Variants in LRRIQ3 observed in about 807,000 individuals in gnomAD.
The protein encoded by LRRIQ3 is leucine rich repeats and IQ motif containing 3, also known as leucine-rich repeat and IQ domain-containing protein 3.
In LRRIQ3, 75 loss-of-function variants were observed where a neutral mutation model predicts 59.3. The observed-to-expected ratio is 1.26, with a 90% CI of 1.05 to 1.53. The LOEUF (loss-of-function observed/expected upper bound fraction) is 1.53. Ranked by LOEUF, LRRIQ3 falls within the 40% of genes most tolerant of loss-of-function variation. The pLI is 0.00. For synonymous variants in LRRIQ3, 250 were observed against 231.3 expected (o/e 1.08, Z -0.73); for missense variants, 831 against 710.0 (o/e 1.17, Z -1.94).
chr1:74,052,993 A>T (rs948559559), intron 6 of LRRIQ3, among the ~76,000 whole-genome samples: 9 of 152,156 alleles, frequency 5.9e-5, no homozygotes, highest in Non-Finnish European at 1.0e-4. Flanking sequence ...AATTACAATA[A>T]TCAAAACAGT....
At chr1:74,151,563 A>G (rs1647962900) in intron 4 of LRRIQ3, among the ~76,000 whole-genome samples, 1 of 151,912 alleles carries the variant, frequency 6.6e-6, no homozygotes, top group Admixed American at 6.6e-5. Context: ...ATGGATAGAA[A>G]CAAAACAAAT....
chr1:74,145,288 C>A (rs1647499605), intron 4 of LRRIQ3, among the ~76,000 whole-genome samples: 1 of 152,082 alleles, frequency 6.6e-6, no homozygotes, highest in Admixed American at 6.6e-5. Flanking sequence ...ACAGCTGCAA[C>A]AGAATAATGG....
At chr1:74,144,295 A>G (rs1193446364) in intron 4 of LRRIQ3, 1 of 189,044 alleles carries the variant, frequency 5.3e-6, no homozygotes, top group Non-Finnish European at 1.2e-5. Context: ...ATATCCACAT[A>G]TCAAATACTC....
At chr1:74,133,264 G>A (rs900874754) in intron 4 of LRRIQ3, among the ~76,000 whole-genome samples, 1 of 152,132 alleles carries the variant, frequency 6.6e-6, no homozygotes, top group Non-Finnish European at 1.5e-5. Context: ...ACTGTTGGTG[G>A]AACTGTAAAC....
chr1:74,048,261 G>A (rs6424572), intron 6 of LRRIQ3, among the ~76,000 whole-genome samples: 2 of 152,148 alleles, frequency 1.3e-5, no homozygotes, highest in Non-Finnish European at 2.9e-5. Flanking sequence ...AGTGCTCAGA[G>A]ACATTGATCA....
intron 7 of LRRIQ3, among the ~76,000 whole-genome samples, chr1:74,031,312 C>T (rs1388914031): frequency 1.3e-5 from 2 of 152,082 alleles, no homozygotes; most frequent in Non-Finnish European, 2.9e-5. Context: ...CACATGCACA[C>T]GTTTGTTTAT....
chr1:74,048,369 A>C (rs558395301), intron 6 of LRRIQ3, among the ~76,000 whole-genome samples: 1 of 152,140 alleles, frequency 6.6e-6, no homozygotes, highest in Non-Finnish European at 1.5e-5. Flanking sequence ...TAATGTTCCT[A>C]GAATGTCCAA....
chr1:74,176,458 G>C (rs905141490), intron 3 of LRRIQ3, among the ~76,000 whole-genome samples: 1 of 151,956 alleles, frequency 6.6e-6, no homozygotes, highest in Non-Finnish European at 1.5e-5. Flanking sequence ...GGCTGATTTG[G>C]GGTTTTCTCA....
At chr1:74,046,896 T>C (rs1474331248) in intron 6 of LRRIQ3, among the ~76,000 whole-genome samples, 1 of 152,088 alleles carries the variant, frequency 6.6e-6, no homozygotes, top group Non-Finnish European at 1.5e-5. Flanking sequence ...AAAACCACAA[T>C]GAGATACCAT....
chr1:74,105,699 G>T (rs535696406), intron 5 of LRRIQ3, among the ~76,000 whole-genome samples: 17 of 151,884 alleles, frequency 1.1e-4, no homozygotes, highest in Non-Finnish European at 2.2e-4. Context: ...AATGGAAAGG[G>T]TTCACAGGGA....
chr1:74,052,867 T>C (rs1190624635), intron 6 of LRRIQ3, among the ~76,000 whole-genome samples: 1 of 152,196 alleles, frequency 6.6e-6, no homozygotes, highest in African/African-American at 2.4e-5. Context: ...ATCTTAAGTC[T>C]TCAATTAATT....
At chr1:74,097,970 A>G (rs984044344) in intron 5 of LRRIQ3, among the ~76,000 whole-genome samples, 28 of 152,188 alleles carry the variant, frequency 1.8e-4, no homozygotes, top group African/African-American at 6.3e-4. Flanking sequence ...TGTAAAGACC[A>G]TCGATGCTAG....
At chr1:74,154,240 C>CAAACAAAAAAAAAAAAA (rs1648176929) in intron 4 of LRRIQ3, among the ~76,000 whole-genome samples, 5 of 57,276 alleles carry the variant, frequency 8.7e-5, no homozygotes, top group African/African-American at 3.6e-4. Context: ...GACTCCTTCT[C>CAAACAAAAAAAAAAAAA]AAAAAAAAAA....
At chr1:74,180,650 T>G (rs1649919876) in intron 3 of LRRIQ3, 1 of 1,449,214 alleles carries the variant, frequency 6.9e-7, no homozygotes, top group South Asian at 1.3e-5. Context: ...TACACTCAAA[T>G]CTCTGCACTG....
chr1:74,192,003 T>C (rs533127507), intron 1 of LRRIQ3, among the ~76,000 whole-genome samples: 28 of 152,202 alleles, frequency 1.8e-4, no homozygotes, highest in African/African-American at 6.7e-4. Context: ...CATCATCTCA[T>C]TCCAGAAGAG....
chr1:74,192,810 T>A (rs1650853300), intron 1 of LRRIQ3, among the ~76,000 whole-genome samples: 1 of 152,184 alleles, frequency 6.6e-6, no homozygotes. Context: ...TGTCAGTTAT[T>A]TATATTATTC....
At chr1:74,193,448 G>T (rs544879777) in intron 1 of LRRIQ3, among the ~76,000 whole-genome samples, 3 of 152,086 alleles carry the variant, frequency 2.0e-5, no homozygotes, top group Admixed American at 6.5e-5. Flanking sequence ...ATGCACATCA[G>T]TTATATCTCA....
chr1:74,053,490 C>T (rs1022844465), intron 6 of LRRIQ3, among the ~76,000 whole-genome samples: 10 of 152,100 alleles, frequency 6.6e-5, no homozygotes, highest in Admixed American at 2.6e-4. Flanking sequence ...TGATAAAGAA[C>T]GTTATTAAAA....
chr1:74,028,251 T>C (rs936084973), intron 7 of LRRIQ3, among the ~76,000 whole-genome samples: 2 of 151,966 alleles, frequency 1.3e-5, no homozygotes, highest in African/African-American at 4.8e-5. Flanking sequence ...TACTCAGAAA[T>C]CTGAAGTTGA....
Sources: gnomAD v4.1 joint callset for allele counts (sites outside exome capture counted in the v4.1 genomes callset) on GRCh38, gnomAD v4.1.1 for gene constraint, MANE v1.5 for transcripts, NCBI Gene and HGNC (gene_info 2026-07-23, HGNC 2026-07-21) for gene names.